The following THSD7A variants were observed in gnomAD, a reference collection of about 807,000 sequenced individuals.
THSD7A encodes the protein thrombospondin type 1 domain containing 7A.
THSD7A carries 96 observed loss-of-function variants against 231.3 expected under a neutral mutation model. The ratio of observed to expected loss-of-function variants is 0.41; its 90% CI spans 0.35 to 0.49. The LOEUF (loss-of-function observed/expected upper bound fraction) is 0.49. Among genes scored for constraint, THSD7A ranks in the 20% least tolerant of loss-of-function variants. The probability of loss-of-function intolerance (pLI) is 0.05; values close to 1 mark genes in which losing one functional copy is unlikely to be tolerated. For missense variants in THSD7A, 2,290 were observed against 2,070.2 expected (o/e 1.11, Z -2.06); for synonymous variants, 940 against 743.3 (o/e 1.26, Z -4.30).
intron 1 of THSD7A, among the ~76,000 whole-genome samples, chr7:11,656,925 G>A (rs928991120): frequency 6.6e-6 from 1 of 151,782 alleles, no homozygotes; most frequent in Non-Finnish European, 1.5e-5. Flanking sequence ...AAAGTATGAT[G>A]AAGAGAAAAA....
intron 2 of THSD7A, among the ~76,000 whole-genome samples, chr7:11,623,810 A>G (rs1781393213): frequency 6.6e-6 from 1 of 152,142 alleles, no homozygotes; most frequent in Non-Finnish European, 1.5e-5. Flanking sequence ...GGTTAGAACA[A>G]ACAGAGCCTG....
intron 4 of THSD7A, among the ~76,000 whole-genome samples, chr7:11,548,434 T>C (rs1789489336): frequency 1.3e-5 from 2 of 151,928 alleles, no homozygotes; most frequent in African/African-American, 4.8e-5. Flanking sequence ...CATATATATA[T>C]AAAGAAGAGC....
rs1273823685 is a variant in THSD7A, at chr7:11,637,090, G to C, written c.191-129C>G. ...TGCGGTGTTACAAAGTAGGTCTCTG[G>C]ACACGACTGTTGGAAAGTAATGATC... On this transcript the variant is annotated intron_variant, in intron 1 of 27. Transcript: ENST00000423059. This position sits in a 1 kb window ranked among gnomAD's most constrained non-coding sequence, Gnocchi z 4.2. 2.5e-6 allele frequency: 2 copies of C among 816,058 alleles called. No homozygotes were observed. The highest frequency in any genetic ancestry group is 3.8e-6 in the Non-Finnish European group (2 of 529,972). 50.6% of individuals were successfully genotyped at this position (816,058 alleles called of 1,614,324 possible).
chr7:11,515,230 T>G (rs1787982236), intron 6 of THSD7A, among the ~76,000 whole-genome samples: 1 of 152,180 alleles, frequency 6.6e-6, no homozygotes, highest in Admixed American at 6.6e-5. Context: ...TGTATCAACC[T>G]TTATTAGCCT....
At chr7:11,717,225 G>A (rs1044642371) in intron 1 of THSD7A, among the ~76,000 whole-genome samples, 8 of 151,714 alleles carry the variant, frequency 5.3e-5, no homozygotes, top group African/African-American at 7.2e-5. Flanking sequence ...TCAGGCAGAG[G>A]TGGGTGTGTG....
At chr7:11,428,232 C>A (rs541177615) in intron 14 of THSD7A, among the ~76,000 whole-genome samples, 12 of 152,206 alleles carry the variant, frequency 7.9e-5, no homozygotes, top group African/African-American at 2.9e-4. Context: ...TTATTCTTTG[C>A]TAATTCACTT....
At chr7:11,439,462 T>C (rs1006101142) in intron 13 of THSD7A, among the ~76,000 whole-genome samples, 1 of 152,050 alleles carries the variant, frequency 6.6e-6, no homozygotes, top group Non-Finnish European at 1.5e-5. Context: ...TTATATCTGT[T>C]ATGATCTGTA....
Position 11,722,387 on chromosome 7 carries a change from C to A in THSD7A, c.191-85426G>T, listed in dbSNP as rs77588607. On this transcript the variant is annotated intron_variant, in intron 1 of 27. Coordinates refer to ENST00000423059, the MANE Select transcript of THSD7A (RefSeq NM_015204.3). Reference sequence around the variant, plus strand: ...ACACGATTTGTTACTTTTCCAATTGCTCCTATGGATAACATCAGTATTGTG... The same window carrying A: ...ACACGATTTGTTACTTTTCCAATTGATCCTATGGATAACATCAGTATTGTG... 2.7e-4 allele frequency among the ~76,000 whole-genome samples: 41 copies of A among 151,958 alleles called. 1 individual carries two copies. In the East Asian group the frequency reaches 6.9e-3, roughly 25 times the overall value.
intron 1 of THSD7A, among the ~76,000 whole-genome samples, chr7:11,656,424 G>T (rs924495957): frequency 6.6e-6 from 1 of 151,844 alleles, no homozygotes; most frequent in African/African-American, 2.4e-5. Context: ...GGGGCTCACA[G>T]TTCACAGATG....
intron 14 of THSD7A, among the ~76,000 whole-genome samples, chr7:11,427,252 AT>A (rs1396355306): frequency 6.6e-6 from 1 of 152,180 alleles, no homozygotes; most frequent in African/African-American, 2.4e-5. Flanking sequence ...AAAACTTTAC[AT>A]TTTTATTTTC....
At chr7:11,415,248 G>C (rs1019923822) in intron 17 of THSD7A, among the ~76,000 whole-genome samples, 1 of 152,204 alleles carries the variant, frequency 6.6e-6, no homozygotes, top group African/African-American at 2.4e-5. Context: ...AGGCCGTCTT[G>C]CAACATTCTC....
intron 2 of THSD7A, among the ~76,000 whole-genome samples, chr7:11,621,542 T>A (rs572517741): frequency 6.6e-6 from 1 of 152,238 alleles, no homozygotes; most frequent in East Asian, 1.9e-4. Context: ...TTATCTTTTT[T>A]ATTATATAGA....
chr7:11,759,991 A>G (rs113997097), intron 1 of THSD7A, among the ~76,000 whole-genome samples: 2,452 of 152,148 alleles, frequency 0.016, 50 homozygotes, highest in African/African-American at 0.056. Flanking sequence ...TCTAATATTA[A>G]GTGATACAAA....
chr7:11,478,484 C>A (rs562216125), intron 7 of THSD7A, among the ~76,000 whole-genome samples: 24 of 152,240 alleles, frequency 1.6e-4, no homozygotes, highest in Non-Finnish European at 2.9e-4. Flanking sequence ...CAACAGACCT[C>A]CTATCTGCTG....
intron 1 of THSD7A, among the ~76,000 whole-genome samples, chr7:11,703,319 A>G (rs1442994418): frequency 6.6e-6 from 1 of 151,214 alleles, no homozygotes; most frequent in African/African-American, 2.4e-5. Context: ...AAATGAACAC[A>G]CACACACAAA....
chr7:11,530,863 T>C (rs1444087883), intron 6 of THSD7A, among the ~76,000 whole-genome samples: 1 of 152,042 alleles, frequency 6.6e-6, no homozygotes, highest in African/African-American at 2.4e-5. Context: ...ATACAAAAAT[T>C]AGCCATGCAT....
chr7:11,784,184 G>A (rs1783717718), intron 1 of THSD7A, among the ~76,000 whole-genome samples: 2 of 151,320 alleles, frequency 1.3e-5, no homozygotes, highest in South Asian at 4.2e-4. Flanking sequence ...ATATATGTAT[G>A]TTTATGCATA....
At chr7:11,810,927 G>C (rs768938492) in intron 1 of THSD7A, among the ~76,000 whole-genome samples, 5 of 152,020 alleles carry the variant, frequency 3.3e-5, no homozygotes, top group South Asian at 2.1e-4. Context: ...CCTCAAATCA[G>C]GTTTAATTCA....
intron 2 of THSD7A, among the ~76,000 whole-genome samples, chr7:11,630,835 G>T (rs557603240): frequency 6.6e-6 from 1 of 152,118 alleles, no homozygotes; most frequent in Non-Finnish European, 1.5e-5. Flanking sequence ...TCTTCAATAC[G>T]CAGATTTGGT....
Sources: allele counts gnomAD v4.1 joint callset (sites outside exome capture counted in the v4.1 genomes callset), GRCh38; gene constraint gnomAD v4.1.1; non-coding constraint Gnocchi (gnomAD v3.1); transcripts MANE v1.5; gene names NCBI Gene and HGNC (gene_info 2026-07-23, HGNC 2026-07-21).